RDH12: variants seen among roughly 807,000 people sequenced by gnomAD.
RDH12 encodes retinol dehydrogenase 12.
RDH12 carries 21 observed loss-of-function variants against 34.0 expected under a neutral mutation model. That is an observed-to-expected ratio of 0.62 (90% CI 0.44 to 0.89). The LOEUF (loss-of-function observed/expected upper bound fraction) is 0.89. Ranked by LOEUF, RDH12 falls within the 40% of genes least tolerant of loss-of-function variation. The probability of loss-of-function intolerance (pLI) is 0.00; values close to 1 mark genes in which losing one functional copy is unlikely to be tolerated. For missense variants in RDH12, 394 were observed against 398.6 expected, an observed-to-expected ratio of 0.99 and a Z score of 0.10; for synonymous variants, 198 against 169.9, an observed-to-expected ratio of 1.17 and a Z score of -1.29.
At chr14:67,721,218 A>T (rs2140135583) in intron 2 of RDH12, among the ~76,000 whole-genome samples, 1 of 152,328 alleles carries the variant, frequency 6.6e-6, no homozygotes, top group South Asian at 2.1e-4. Context: ...GTCCTGTCCC[A>T]GCTCCTTGTC....
chr14:67,727,294 A>G, intron 7 of RDH12, 104 bp downstream of exon 7: 2 of 827,032 alleles, frequency 2.4e-6, no homozygotes, highest in Admixed American at 4.0e-5. Context: ...TGTCAGTAAT[A>G]TCTCTGTGGA....
In RDH12 at chr14:67,727,174, G is replaced by T; in HGVS notation, c.642G>T (p.Leu214=). ...CCAATGTGCTTTTTACTCGTGAGCT[G>T]GCCAAGAGGCTCCAAGGTAAGTCTG... ...KLANVLFTRE[L]AKRLQGTGVT... Residue 214 remains leucine (L), a synonymous_variant, in exon 7 of 9, where the codon CTG becomes CTT. Coordinates refer to ENST00000551171, the MANE Select transcript of RDH12 (RefSeq NM_152443.3). 1 of 1,613,102 alleles carries T rather than the reference G, an allele frequency of 6.2e-7. No individual in the cohort carries two copies. The highest frequency in any genetic ancestry group is 8.5e-7 in the Non-Finnish European group (1 of 1,179,656).
At chr14:67,706,454 A>G (rs978497561) in intron 1 of RDH12, among the ~76,000 whole-genome samples, 2 of 152,202 alleles carry the variant, frequency 1.3e-5, no homozygotes, top group African/African-American at 4.8e-5. Flanking sequence ...GGTTTTATAC[A>G]TTCTAGGGAG....
At position 67,725,152 on chromosome 14, in the gene RDH12, A is replaced by C. The variant is rs760092398; in HGVS notation, c.241A>C (p.Ser81Arg). 2 of 1,614,230 alleles carry C rather than the reference A, an allele frequency of 1.2e-6. No individual in the cohort carries two copies. Among genetic ancestry groups the C allele is most frequent in the Non-Finnish European group, 8.5e-7 (1 of 1,180,040 alleles). The change falls in exon 5 of 9, where the codon AGT (serine) becomes CGT (arginine). Residue 81 changes from serine to arginine, a missense_variant. Transcript: ENST00000551171. Reference sequence around the variant, plus strand: ...TGTACTGAAGGGGGAGTCTGCTGCCAGTGAAATCCGAGTGGATACAAAGAA... The same window carrying C: ...TGTACTGAAGGGGGAGTCTGCTGCCCGTGAAATCCGAGTGGATACAAAGAA... ...RDVLKGESAA[S>R]EIRVDTKNSQ...
intron 3 of RDH12, 85 bp from the exon 4 acceptor site, chr14:67,724,388 T>G: frequency 5.6e-6 from 5 of 889,214 alleles, no homozygotes; most frequent in Non-Finnish European, 6.9e-6. Context: ...TGAGGCTGGA[T>G]AGAGTTTTTT....
rs377047632 is a variant in RDH12, at chr14:67,708,794, CT to C, written c.-275+6876del. ...ACTCTAGGGAACCTATTAATAATAC[CT>C]TTTTTTTTTTTTTTTTGAGAGGGAG... On this transcript the variant is annotated intron_variant, in intron 1 of 8. Transcript: ENST00000551171. Among the ~76,000 whole-genome samples, 582 of 136,874 alleles carry C rather than the reference CT, an allele frequency of 4.3e-3. 3 individuals carry two copies. The highest frequency in any genetic ancestry group is 9.5e-3 in the African/African-American group (358 of 37,656). The allele number at this position is 136,874 out of a possible 152,430, so 89.8% of individuals were successfully genotyped here. A position where few individuals can be genotyped will look rare whatever the true frequency, so the allele number is the denominator to read the frequency against.
intron 1 of RDH12, among the ~76,000 whole-genome samples, chr14:67,712,946 T>C (rs958625112): frequency 6.6e-6 from 1 of 152,166 alleles, no homozygotes; most frequent in African/African-American, 2.4e-5. Context: ...CCACCCTTTT[T>C]TGTGTGTGGG....
At chr14:67,732,129 A>T (rs1478529563) in intron 8 of RDH12, among the ~76,000 whole-genome samples, 2 of 118,196 alleles carry the variant, frequency 1.7e-5, no homozygotes, top group African/African-American at 3.0e-5. Context: ...TCTGTCTCAA[A>T]AAAAAAAAAA....
chr14:67,717,582 G>C (rs1296027260), intron 1 of RDH12, among the ~76,000 whole-genome samples: 1 of 152,184 alleles, frequency 6.6e-6, no homozygotes, highest in African/African-American at 2.4e-5. Context: ...CTACATTCTG[G>C]AGGGCAGTGG....
At chr14:67,716,323 T>C (rs144971932) in intron 1 of RDH12, among the ~76,000 whole-genome samples, 2 of 152,112 alleles carry the variant, frequency 1.3e-5, no homozygotes, top group African/African-American at 4.8e-5. Context: ...TTGATTAGGA[T>C]AGGTGAAAGC....
chr14:67,730,181 C>T (rs1376663827), intron 8 of RDH12, among the ~76,000 whole-genome samples: 1 of 152,174 alleles, frequency 6.6e-6, no homozygotes, highest in Non-Finnish European at 1.5e-5. Flanking sequence ...CAAGTTTTCA[C>T]ATGAAACTGA....
chr14:67,727,476 G>GTTTTTTTTGTTTTTTTTTTTTTT (rs2038202727), intron 7 of RDH12: 1 of 295,164 alleles, frequency 3.4e-6, no homozygotes. Flanking sequence ...GAGGCTTTTT[G>GTTTTTTTTGTTTTTTTTTTTTTT]TTTTTTTTGT....
At chr14:67,708,918 G>C (rs934974118) in intron 1 of RDH12, among the ~76,000 whole-genome samples, 1 of 151,272 alleles carries the variant, frequency 6.6e-6, no homozygotes, top group Non-Finnish European at 1.5e-5. Flanking sequence ...TCAGCCTCAC[G>C]AGTAGCTGGG....
chr14:67,711,060 A>C (rs968698546), intron 1 of RDH12, among the ~76,000 whole-genome samples: 2 of 152,208 alleles, frequency 1.3e-5, no homozygotes, highest in African/African-American at 4.8e-5. Flanking sequence ...GGCCAAACAA[A>C]TTTTGAGAGG....
intron 8 of RDH12, 56 bp from the exon 9 acceptor site, chr14:67,733,690 A>G: frequency 8.4e-7 from 1 of 1,186,368 alleles, no homozygotes. Flanking sequence ...GACCATAAAG[A>G]TTTCCAGACT....
At chr14:67,718,951 A>C (rs1352325755) in intron 1 of RDH12, among the ~76,000 whole-genome samples, 1 of 152,248 alleles carries the variant, frequency 6.6e-6, no homozygotes, top group Non-Finnish European at 1.5e-5. Context: ...AATTAAGGCC[A>C]TTGGGGCAGA....
chr14:67,716,268 AC>A (rs1386462603), intron 1 of RDH12, among the ~76,000 whole-genome samples: 1 of 152,162 alleles, frequency 6.6e-6, no homozygotes, highest in East Asian at 1.9e-4. Flanking sequence ...TGACTGCTGT[AC>A]AGAAAAGGCA....
intron 1 of RDH12, 47 bp downstream of exon 1, chr14:67,701,982 A>G (rs1486581746): frequency 6.6e-6 from 1 of 152,002 alleles, no homozygotes; most frequent in East Asian, 1.9e-4. Flanking sequence ...TTGTAGAGAC[A>G]GTATCTCACT....
In RDH12 at chr14:67,722,517, G is replaced by A. The variant is rs2038135282; in HGVS notation, c.-126G>A. 1.2e-6 allele frequency: 1 copy of A among 822,034 alleles called. No individual in the cohort carries two copies. The highest frequency in any genetic ancestry group is 2.2e-6 in the Non-Finnish European group (1 of 458,624). 50.9% of individuals were successfully genotyped at this position (822,034 alleles called of 1,614,324 possible). A position where few individuals can be genotyped will look rare whatever the true frequency, so the allele number is the denominator to read the frequency against. ...GAGTCAGGCTGCTGCTCAGCACCCAGGACGGAGAGGAGCAGAGAAGCAGCA... is the reference window on the plus strand; with the variant it reads ...GAGTCAGGCTGCTGCTCAGCACCCAAGACGGAGAGGAGCAGAGAAGCAGCA... On this transcript the variant is annotated 5_prime_UTR_variant, in exon 3 of 9. Coordinates refer to ENST00000551171, the MANE Select transcript of RDH12 (RefSeq NM_152443.3).
Sources: gnomAD v4.1 joint callset for allele counts (sites outside exome capture counted in the v4.1 genomes callset) on GRCh38, gnomAD v4.1.1 for gene constraint, MANE v1.5 for transcripts, NCBI Gene and HGNC (gene_info 2026-07-23, HGNC 2026-07-21) for gene names.